HMBOX1: variants seen among roughly 807,000 people sequenced by gnomAD.
HMBOX1 encodes the protein homeobox-containing protein 1.
In HMBOX1, 14 loss-of-function variants were observed where a neutral mutation model predicts 54.5. The observed-to-expected ratio is 0.26, with a 90% CI of 0.17 to 0.40. The LOEUF (loss-of-function observed/expected upper bound fraction) is 0.40. Ranked by LOEUF, HMBOX1 falls within the 10% of genes least tolerant of loss-of-function variation. HMBOX1 has a pLI of 1.00. For missense variants in HMBOX1, 332 were observed against 514.4 expected (o/e 0.65, Z 3.43); for synonymous variants, 160 against 181.0 (o/e 0.88, Z 0.93).
At chr8:29,045,944 G>C (rs764778475) in intron 7 of HMBOX1, among the ~76,000 whole-genome samples, 4 of 152,042 alleles carry the variant, frequency 2.6e-5, no homozygotes, top group Non-Finnish European at 4.4e-5. Context: ...GAAAAATTTA[G>C]GGCAGTACCA....
intron 1 of HMBOX1, among the ~76,000 whole-genome samples, chr8:28,954,728 A>G (rs923668891): frequency 6.6e-6 from 1 of 152,196 alleles, no homozygotes; most frequent in Non-Finnish European, 1.5e-5. Flanking sequence ...CTAGTGTTTT[A>G]CCCTAATGAT....
At chr8:29,050,334 T>TA (rs1475897752) in intron 9 of HMBOX1, 1 of 570,914 alleles carries the variant, frequency 1.8e-6, no homozygotes, top group Non-Finnish European at 2.2e-6. Context: ...TTCACAGCTT[T>TA]ATTGTTTAAC....
At chr8:28,947,934 A>C (rs1202114038) in intron 1 of HMBOX1, among the ~76,000 whole-genome samples, 1 of 151,798 alleles carries the variant, frequency 6.6e-6, no homozygotes, top group African/African-American at 2.4e-5. Context: ...TTATTTATTT[A>C]TTTATTTGAG....
intron 1 of HMBOX1, among the ~76,000 whole-genome samples, chr8:28,936,435 TATA>T (rs1220424550): frequency 6.6e-6 from 1 of 151,940 alleles, no homozygotes; most frequent in Non-Finnish European, 1.5e-5. Flanking sequence ...ACATTTAAAC[TATA>T]ATAATAATAA....
intron 1 of HMBOX1, among the ~76,000 whole-genome samples, chr8:28,900,271 A>AAAAAAAT (rs747317282): frequency 2.8e-5 from 2 of 70,348 alleles, no homozygotes; most frequent in South Asian, 5.5e-4. Context: ...AAAAAAAAAA[A>AAAAAAAT]ATATATATAT....
At chr8:28,950,782 C>A (rs1454993162) in intron 1 of HMBOX1, among the ~76,000 whole-genome samples, 1 of 152,102 alleles carries the variant, frequency 6.6e-6, no homozygotes, top group Non-Finnish European at 1.5e-5. Flanking sequence ...ACAGAGTTTA[C>A]CAGTTACTCA....
At chr8:29,049,602 C>T (rs1293844362) in intron 9 of HMBOX1, 2 of 556,830 alleles carry the variant, frequency 3.6e-6, no homozygotes, top group Non-Finnish European at 5.9e-6. Flanking sequence ...AAGTGCAATA[C>T]CTGCATGACT....
At chr8:28,917,774 A>G (rs1279216865) in intron 1 of HMBOX1, among the ~76,000 whole-genome samples, 1 of 152,138 alleles carries the variant, frequency 6.6e-6, no homozygotes, top group African/African-American at 2.4e-5. Flanking sequence ...ACTTTTATCA[A>G]GTGCTTTTTC....
intron 1 of HMBOX1, among the ~76,000 whole-genome samples, chr8:28,942,126 G>T (rs182833956): frequency 2.6e-5 from 4 of 152,268 alleles, no homozygotes; most frequent in Admixed American, 2.6e-4. Context: ...CAGTCTTCAG[G>T]GTGCCCCGGA....
intron 2 of HMBOX1, among the ~76,000 whole-genome samples, chr8:28,968,274 A>C (rs1342889484): frequency 6.6e-6 from 1 of 152,142 alleles, no homozygotes; most frequent in African/African-American, 2.4e-5. Context: ...TATTACTAGG[A>C]CCCCTAGGTT....
At position 29,051,112 on chromosome 8, in the gene HMBOX1, A is replaced by G; in HGVS notation, c.1220A>G (p.Gln407Arg). Residue 407 changes from glutamine to arginine, a missense_variant, in exon 10 of 10, where the codon CAA becomes CGA. This residue lies in a region of HMBOX1 where 69 missense variants were observed against 104.6 expected (regional missense o/e 0.66). Coordinates refer to ENST00000287701, the MANE Select transcript of HMBOX1 (RefSeq NM_001135726.3). ...CACACTATCTTGGCATTGGCCCGAC[A>G]AGGAGCCAACGAAATCAAGACAGAG... ...VNHTILALAR[Q>R]GANEIKTEAL... 6.2e-7 allele frequency: 1 copy of G among 1,613,948 alleles called. No individual in the cohort carries two copies. Among genetic ancestry groups the G allele is most frequent in the Non-Finnish European group, 8.5e-7 (1 of 1,180,002 alleles).
chr8:28,894,026 T>C (rs969698367), intron 1 of HMBOX1, among the ~76,000 whole-genome samples: 3 of 152,220 alleles, frequency 2.0e-5, no homozygotes, highest in Non-Finnish European at 4.4e-5. Flanking sequence ...TACATGAACA[T>C]TTATAGATAA....
intron 1 of HMBOX1, among the ~76,000 whole-genome samples, chr8:28,909,805 T>C (rs1815061866): frequency 6.6e-6 from 1 of 152,212 alleles, no homozygotes; most frequent in Non-Finnish European, 1.5e-5. Context: ...TGACTTCTAG[T>C]GAATTTTCCA....
chr8:29,029,496 A>G (rs1802578483), intron 6 of HMBOX1, among the ~76,000 whole-genome samples: 1 of 152,246 alleles, frequency 6.6e-6, no homozygotes, highest in Non-Finnish European at 1.5e-5. Flanking sequence ...CACTGATTCC[A>G]TTTAAGCAGT....
intron 1 of HMBOX1, among the ~76,000 whole-genome samples, chr8:28,963,405 T>C (rs1272806993): frequency 2.0e-5 from 3 of 152,232 alleles, no homozygotes; most frequent in Admixed American, 2.0e-4. Flanking sequence ...TCATTAGTCA[T>C]TGTTGGACAC....
chr8:28,928,043 G>T (rs1818853520), intron 1 of HMBOX1, among the ~76,000 whole-genome samples: 1 of 151,668 alleles, frequency 6.6e-6, no homozygotes, highest in African/African-American at 2.4e-5. Context: ...GCTGAGGCAG[G>T]AGAATCACTT....
intron 1 of HMBOX1, among the ~76,000 whole-genome samples, chr8:28,950,614 C>T (rs947291439): frequency 2.6e-5 from 4 of 152,138 alleles, no homozygotes; most frequent in African/African-American, 9.7e-5. Flanking sequence ...AACTCTGAAA[C>T]AGTGAAGCCA....
At chr8:28,926,315 A>C (rs1818488179) in intron 1 of HMBOX1, among the ~76,000 whole-genome samples, 1 of 151,660 alleles carries the variant, frequency 6.6e-6, no homozygotes, top group Non-Finnish European at 1.5e-5. Flanking sequence ...ACACACACAC[A>C]CACACACATA....
intron 1 of HMBOX1, among the ~76,000 whole-genome samples, chr8:28,952,079 G>T (rs1039617229): frequency 1.3e-5 from 2 of 151,722 alleles, no homozygotes; most frequent in Non-Finnish European, 2.9e-5. Context: ...TGAAGGTTGA[G>T]GTGGGAGGAT....
Sources: gnomAD v4.1 joint callset for allele counts (sites outside exome capture counted in the v4.1 genomes callset) on GRCh38, gnomAD v4.1.1 for gene constraint, gnomAD v4.1.1 regional missense constraint, MANE v1.5 for transcripts, NCBI Gene and HGNC (gene_info 2026-07-23, HGNC 2026-07-21) for gene names.